CSMD1: variants seen among roughly 807,000 people sequenced by gnomAD.
CSMD1 encodes the protein CUB and Sushi multiple domains 1.
CSMD1 carries 213 observed loss-of-function variants against 417.5 expected under a neutral mutation model. The observed-to-expected ratio is 0.51, with a 90% CI of 0.46 to 0.57. The LOEUF (loss-of-function observed/expected upper bound fraction) is 0.57, where lower values mean the gene tolerates loss of function less well. Among genes scored for constraint, CSMD1 ranks in the 20% least tolerant of loss-of-function variants. CSMD1 has a pLI of 0.00. For missense variants in CSMD1, 6,923 were observed against 4,529.7 expected, an observed-to-expected ratio of 1.53 and a Z score of -15.17; for synonymous variants, 2,862 against 1,736.8, an observed-to-expected ratio of 1.65 and a Z score of -16.11.
chr8:4,649,064 T>C (rs1417484431), intron 1 of CSMD1, among the ~76,000 whole-genome samples: 2 of 152,326 alleles, frequency 1.3e-5, no homozygotes, highest in South Asian at 2.1e-4. Flanking sequence ...TCAGTTGGTA[T>C]ATTTGCCAAG....
chr8:4,453,299 G>A (rs1008587699), intron 2 of CSMD1, among the ~76,000 whole-genome samples: 1 of 151,714 alleles, frequency 6.6e-6, no homozygotes, highest in African/African-American at 2.4e-5. Context: ...ACTCCCACTG[G>A]CAATCAACTG....
At chr8:4,514,557 A>C (rs778410145) in intron 2 of CSMD1, among the ~76,000 whole-genome samples, 3 of 152,168 alleles carry the variant, frequency 2.0e-5, no homozygotes, top group Non-Finnish European at 4.4e-5. Context: ...GCTAATTCCA[A>C]CTCAAAACTT....
intron 3 of CSMD1, among the ~76,000 whole-genome samples, chr8:4,349,934 G>A (rs996191606): frequency 4.0e-5 from 6 of 150,972 alleles, no homozygotes; most frequent in East Asian, 1.9e-4. Context: ...CCTTTATACT[G>A]CCAAACTTTA....
intron 7 of CSMD1, among the ~76,000 whole-genome samples, chr8:3,678,840 C>A (rs992796325): frequency 2.0e-4 from 30 of 152,186 alleles, no homozygotes; most frequent in Non-Finnish European, 3.8e-4. Flanking sequence ...GCTGATCTCT[C>A]AGCAGAAAGT....
intron 5 of CSMD1, among the ~76,000 whole-genome samples, chr8:3,910,881 C>G (rs1231727310): frequency 6.6e-6 from 1 of 152,122 alleles, no homozygotes; most frequent in Non-Finnish European, 1.5e-5. Flanking sequence ...TTCAAGAGAA[C>G]TGGAAAAATA....
intron 1 of CSMD1, among the ~76,000 whole-genome samples, chr8:4,717,694 T>TC: frequency 6.6e-6 from 1 of 151,936 alleles, no homozygotes; most frequent in Non-Finnish European, 1.5e-5. Flanking sequence ...CCGAAGAGGC[T>TC]GGGTAACCAA....
chr8:4,836,803 G>T (rs920155997), intron 1 of CSMD1, among the ~76,000 whole-genome samples: 1 of 151,878 alleles, frequency 6.6e-6, no homozygotes, highest in Non-Finnish European at 1.5e-5. Context: ...GATGTAATCG[G>T]GCCCTGTGTT....
At chr8:3,254,858 T>C (rs914089043) in intron 26 of CSMD1, among the ~76,000 whole-genome samples, 1 of 152,200 alleles carries the variant, frequency 6.6e-6, no homozygotes, top group Non-Finnish European at 1.5e-5. Context: ...TCTGAAGCCT[T>C]CTTCTCTCAA....
chr8:3,720,290 T>C (rs1417515455), intron 6 of CSMD1, among the ~76,000 whole-genome samples: 3 of 152,020 alleles, frequency 2.0e-5, no homozygotes, highest in African/African-American at 7.3e-5. Flanking sequence ...TCAATAGAGC[T>C]TACAGAAGAA....
chr8:4,202,159 G>C (rs919482825), intron 3 of CSMD1, among the ~76,000 whole-genome samples: 2 of 151,902 alleles, frequency 1.3e-5, no homozygotes, highest in East Asian at 1.9e-4. Context: ...AGGACGGGTG[G>C]GATGACCAGC....
At chr8:4,167,094 G>C (rs189554936) in intron 3 of CSMD1, among the ~76,000 whole-genome samples, 1 of 152,212 alleles carries the variant, frequency 6.6e-6, no homozygotes, top group African/African-American at 2.4e-5. Flanking sequence ...GTAGATAAAT[G>C]TAAAACCCTC....
intron 40 of CSMD1, among the ~76,000 whole-genome samples, chr8:3,148,264 A>G (rs1818972388): frequency 6.6e-6 from 1 of 152,218 alleles, no homozygotes; most frequent in South Asian, 2.1e-4. Flanking sequence ...CTTCATTTGT[A>G]AGTGCAGATG....
intron 1 of CSMD1, among the ~76,000 whole-genome samples, chr8:4,729,798 G>A (rs1809726185): frequency 6.6e-6 from 1 of 152,136 alleles, no homozygotes; most frequent in Non-Finnish European, 1.5e-5. Flanking sequence ...AATCAATAAT[G>A]AAATAAAAGT....
intron 5 of CSMD1, among the ~76,000 whole-genome samples, chr8:3,989,765 A>G (rs1814606511): frequency 6.6e-6 from 1 of 152,240 alleles, no homozygotes. Flanking sequence ...GTTCTAGGCC[A>G]CTACTCATTT....
At chr8:2,978,176 C>T (rs555772973) in intron 55 of CSMD1, among the ~76,000 whole-genome samples, 6 of 152,130 alleles carry the variant, frequency 3.9e-5, no homozygotes, top group South Asian at 4.1e-4. Context: ...CTTCTTTGGC[C>T]GTAGATGCCA....
intron 7 of CSMD1, among the ~76,000 whole-genome samples, chr8:3,632,031 A>G (rs1450140288): frequency 6.6e-6 from 1 of 152,228 alleles, no homozygotes; most frequent in Non-Finnish European, 1.5e-5. Context: ...TCATCATTCA[A>G]TCAGCATTAT....
intron 5 of CSMD1, among the ~76,000 whole-genome samples, chr8:3,965,595 T>C (rs1167732674): frequency 2.6e-5 from 4 of 152,048 alleles, no homozygotes; most frequent in Admixed American, 2.6e-4. Flanking sequence ...ATGGTTATGA[T>C]TTTTTAAAAT....
chr8:4,772,653 A>C (rs1796660198), intron 1 of CSMD1, among the ~76,000 whole-genome samples: 1 of 152,134 alleles, frequency 6.6e-6, no homozygotes, highest in Non-Finnish European at 1.5e-5. Context: ...GTGGAATCTG[A>C]AGGTACAGAA....
Position 4,087,111 on chromosome 8 carries a change from A to C in CSMD1, c.416-55012T>G, listed in dbSNP as rs183021671. 1.1e-3 allele frequency among the ~76,000 whole-genome samples: 169 copies of C among 152,308 alleles called. 1 individual carries two copies. Among genetic ancestry groups the C allele is most frequent in the Non-Finnish European group, 1.5e-3 (105 of 68,022 alleles). ...AGCCTTTCTTCCTGGAGCAACTGGC[A>C]TTCAATCTCTGGGTGATGGGAGGTT... On this transcript the variant is annotated intron_variant, in intron 3 of 69. Transcript: ENST00000635120.
Sources: allele counts gnomAD v4.1 joint callset (sites outside exome capture counted in the v4.1 genomes callset), GRCh38; gene constraint gnomAD v4.1.1; transcripts MANE v1.5; gene names NCBI Gene and HGNC (gene_info 2026-07-23, HGNC 2026-07-21).